CCDC33: variants seen among roughly 807,000 people sequenced by gnomAD.
CCDC33 encodes coiled-coil domain containing 33.
CCDC33 carries 94 observed loss-of-function variants against 91.9 expected under a neutral mutation model. The ratio of observed to expected loss-of-function variants is 1.02; its 90% confidence interval spans 0.87 to 1.21. The LOEUF (loss-of-function observed/expected upper bound fraction) is 1.21. Ranked by LOEUF, CCDC33 falls within the 50% of genes most tolerant of loss-of-function variation. The probability of loss-of-function intolerance (pLI) is 0.00; values close to 1 mark genes in which losing one functional copy is unlikely to be tolerated. For missense variants in CCDC33, 940 were observed against 935.5 expected, an observed-to-expected ratio of 1.00 and a Z score of -0.06; for synonymous variants, 396 against 374.5, an observed-to-expected ratio of 1.06 and a Z score of -0.66.
At chr15:74,262,020 G>A (rs2076036831) in intron 2 of CCDC33, among the ~76,000 whole-genome samples, 1 of 151,520 alleles carries the variant, frequency 6.6e-6, no homozygotes, top group African/African-American at 2.4e-5. Flanking sequence ...GGACAGCCAG[G>A]CGGGGCATCG....
Position 74,331,241 on chromosome 15 carries a change from G to T in CCDC33, c.1716G>T (p.Leu572=). 6.2e-7 allele frequency: 1 copy of T among 1,614,156 alleles called. No individual in the cohort carries two copies. The change falls in exon 15 of 19, where the codon CTG becomes CTT. Residue 572 remains leucine (L), a synonymous_variant. Coordinates refer to ENST00000398814, the MANE Select transcript of CCDC33 (RefSeq NM_025055.5). The part of the protein sequence containing the change: ...EKMERVLEDR[L]QDRSKPPPLN... ...TGGAGCGGGTGCTGGAGGACAGGCT[G>T]CAGGACAGGAGCAAGCCCCCTCCTC...
chr15:74,312,331 C>T (rs2060007793), intron 11 of CCDC33, among the ~76,000 whole-genome samples: 3 of 152,226 alleles, frequency 2.0e-5, no homozygotes, highest in African/African-American at 4.8e-5. Flanking sequence ...GCAGGCCAGC[C>T]GCAGTGTCAG....
chr15:74,251,711 C>T (rs1211336005), intron 2 of CCDC33, among the ~76,000 whole-genome samples: 1 of 152,042 alleles, frequency 6.6e-6, no homozygotes, highest in East Asian at 1.9e-4. Context: ...GAGCCCTGAC[C>T]CTGGCCCTAC....
At chr15:74,254,453 C>T (rs2075800186) in intron 2 of CCDC33, among the ~76,000 whole-genome samples, 1 of 152,234 alleles carries the variant, frequency 6.6e-6, no homozygotes, top group Non-Finnish European at 1.5e-5. Flanking sequence ...TTGTTCCTCT[C>T]CTGAACCCTC....
chr15:74,203,198 C>G, intron 1 of CCDC33: 2 of 977,804 alleles, frequency 2.0e-6, no homozygotes, highest in Non-Finnish European at 2.4e-6. Context: ...ACATGTGTCT[C>G]ATTGGTAAAC....
intron 11 of CCDC33, among the ~76,000 whole-genome samples, chr15:74,308,011 C>G (rs1223428682): frequency 1.3e-5 from 2 of 151,928 alleles, no homozygotes; most frequent in Non-Finnish European, 2.9e-5. Flanking sequence ...GGAGGACAGG[C>G]CCTGGAAGCA....
chr15:74,335,119 G>A, intron 18 of CCDC33, 31 bp downstream of exon 18: 1 of 1,539,870 alleles, frequency 6.5e-7, no homozygotes, highest in Non-Finnish European at 9.0e-7. Context: ...AGCTCCCAGG[G>A]GTTCAGGTGG....
At chr15:74,211,722 T>G (rs577419205) in intron 2 of CCDC33, among the ~76,000 whole-genome samples, 12 of 152,018 alleles carry the variant, frequency 7.9e-5, no homozygotes, top group Non-Finnish European at 1.8e-4. Context: ...TCTTTCTATC[T>G]GGTTGTCCTC....
intron 3 of CCDC33, among the ~76,000 whole-genome samples, 160 bp downstream of exon 3, chr15:74,262,733 C>T (rs997051965): frequency 6.6e-6 from 1 of 152,222 alleles, no homozygotes; most frequent in Admixed American, 6.5e-5. Context: ...AATACTGTCA[C>T]GCCTCATCTC....
chr15:74,224,525 T>G (rs2074724554), intron 2 of CCDC33, among the ~76,000 whole-genome samples: 1 of 151,718 alleles, frequency 6.6e-6, no homozygotes, highest in Admixed American at 6.6e-5. Context: ...CTCAGCAGAG[T>G]AGAGGATGGG....
intron 11 of CCDC33, among the ~76,000 whole-genome samples, chr15:74,298,709 CTTT>C (rs35450110): frequency 7.9e-5 from 6 of 75,598 alleles, no homozygotes; most frequent in African/African-American, 2.3e-4. Flanking sequence ...CTAATTCTGC[CTTT>C]TTTTTTTTTT....
In CCDC33 at chr15:74,335,946, G is replaced by T. The variant is rs2060558808; in HGVS notation, c.2161G>T (p.Asp721Tyr). 9 of 1,613,776 alleles carry T rather than the reference G, an allele frequency of 5.6e-6. No homozygotes were observed. Among genetic ancestry groups the T allele is most frequent in the Non-Finnish European group, 7.6e-6 (9 of 1,179,958 alleles). Residue 721 changes from aspartate to tyrosine, a missense_variant, in exon 19 of 19, where the codon GAC (aspartate) becomes TAC (tyrosine). Coordinates refer to ENST00000398814, the MANE Select transcript of CCDC33 (RefSeq NM_025055.5). Reference protein sequence around the residue: ...EQPSALTHSMDLKQPSELEPL... With the variant: ...EQPSALTHSMYLKQPSELEPL... Reference sequence around the variant, plus strand: ...ACAGAGTGCCCTCACCCACTCCATGGACCTCAAGCAGCCCTCAGAGCTGGA... The same window carrying T: ...ACAGAGTGCCCTCACCCACTCCATGTACCTCAAGCAGCCCTCAGAGCTGGA...
At chr15:74,217,064 C>T, upstream of CCDC33, 1 of 276,250 alleles carries the variant, frequency 3.6e-6, no homozygotes, top group East Asian at 9.9e-5. Flanking sequence ...GTTGAAGGAA[C>T]AAATGCTAAA....
intron 10 of CCDC33, among the ~76,000 whole-genome samples, chr15:74,286,350 GC>G (rs2059474427): frequency 1.3e-5 from 2 of 152,240 alleles, no homozygotes; most frequent in Non-Finnish European, 2.9e-5. Context: ...TCTGATCTCA[GC>G]CTCTTCTCTT....
upstream of CCDC33, among the ~76,000 whole-genome samples, chr15:74,214,457 T>C (rs771695329): frequency 2.0e-5 from 3 of 152,070 alleles, no homozygotes; most frequent in Admixed American, 1.3e-4. Flanking sequence ...TTTAAACTTT[T>C]TGAAAACCGT....
chr15:74,336,174 G>A, downstream of CCDC33: 1 of 1,467,964 alleles, frequency 6.8e-7, no homozygotes, highest in East Asian at 2.5e-5. Context: ...AGGGCAGCCT[G>A]GGGGCCCTGC....
rs777807128 is a variant in CCDC33, at chr15:74,218,766, C to G, written c.580C>G (p.Arg194Gly). The change falls in exon 2 of 3, where the codon CGG (arginine) becomes GGG (glycine). Residue 194 changes from arginine to glycine, a missense_variant. Transcript: ENST00000635913. The surrounding 1 kb of genome is among the most constrained non-coding windows in gnomAD (Gnocchi z 4.8). Reference sequence around the variant, plus strand: ...CTACAGTGTGGCCTTCCACGTCCACCGGGGCCCTCAGCCTCCAGTCTCAGA... The same window carrying G: ...CTACAGTGTGGCCTTCCACGTCCACGGGGGCCCTCAGCCTCCAGTCTCAGA... 7.8e-7 allele frequency: 1 copy of G among 1,289,364 alleles called. No homozygotes were observed. Among genetic ancestry groups the G allele is most frequent in the Non-Finnish European group, 1.0e-6 (1 of 988,580 alleles). The allele number at this position is 1,289,364 out of a possible 1,614,324, so 79.9% of individuals were successfully genotyped here.
rs55820464 is a variant in CCDC33, at chr15:74,223,723, T to TACACACACACACAC, written c.675+4891_675+4904dup. On this transcript the variant is annotated intron_variant, in intron 2 of 2. Coordinates refer to the CCDC33 transcript ENST00000635913. ...GCTGAGGCTGTGCCCACCGCCAGCA[T>TACACACACACACAC]ACACACACACACACACACACACACA... is the stretch of plus-strand genomic sequence containing the variant. 2.5e-3 allele frequency among the ~76,000 whole-genome samples: 282 copies of TACACACACACACAC among 112,264 alleles called. 2 individuals carry two copies. Among genetic ancestry groups the TACACACACACACAC allele is most frequent in the African/African-American group, 8.3e-3 (262 of 31,466 alleles). The allele number at this position is 112,264 out of a possible 152,430, so 73.6% of individuals were successfully genotyped here.
intron 1 of CCDC33, chr15:74,209,170 T>TGG (rs1395573775): frequency 7.9e-7 from 1 of 1,262,206 alleles, no homozygotes; most frequent in African/African-American, 1.5e-5. Context: ...GAGCAGGGGC[T>TGG]GGGGCCCCAC....
Sources: allele counts gnomAD v4.1 joint callset (sites outside exome capture counted in the v4.1 genomes callset), GRCh38; gene constraint gnomAD v4.1.1; non-coding constraint Gnocchi (gnomAD v3.1); transcripts MANE v1.5; gene names NCBI Gene and HGNC (gene_info 2026-07-23, HGNC 2026-07-21).